The following ARHGAP39 variants were observed in gnomAD, a reference collection of about 807,000 sequenced individuals.
ARHGAP39 encodes the protein rho GTPase-activating protein 39.
Under a neutral mutation model 106.9 loss-of-function variants are expected in ARHGAP39, and 44 were observed. That is an observed-to-expected ratio of 0.41 (90% CI 0.32 to 0.53). ARHGAP39 has a LOEUF of 0.53. ARHGAP39 is among the 20% of genes least tolerant of loss of function. The pLI is 0.21. For synonymous variants in ARHGAP39, 768 were observed against 693.2 expected (o/e 1.11, Z -1.69); for missense variants, 1,496 against 1,577.3 (o/e 0.95, Z 0.87).
chr8:144,597,430 T>TG (rs1489277255), intron 2 of ARHGAP39, among the ~76,000 whole-genome samples: 1 of 152,122 alleles, frequency 6.6e-6, no homozygotes, highest in Non-Finnish European at 1.5e-5. Flanking sequence ...GGACTGCAGC[T>TG]GGGGAGGAAC....
Position 144,537,756 on chromosome 8 carries a change from C to T in ARHGAP39, c.2579G>A (p.Arg860Lys). 6.2e-7 allele frequency: 1 copy of T among 1,614,138 alleles called. No homozygotes were observed. The highest frequency in any genetic ancestry group is 8.5e-7 in the Non-Finnish European group (1 of 1,179,962). ...TTCAACATAAGGCTTGGGTTTCTTT[C>T]TCAATTTGGACTTCTTCTTAGTGTT... ...ERNTKKKSKL[R>K]KKPKPYVEEP... is the part of the protein sequence containing the mutation. The change falls in exon 7 of 12, where the codon AGA (arginine) becomes AAA (lysine). Residue 860 changes from arginine to lysine, a missense_variant. Arg to Lys is a conservative substitution (Grantham distance 26, BLOSUM62 2). Transcript: ENST00000377307.
At chr8:144,617,143 G>A (rs1430426954) in intron 1 of ARHGAP39, among the ~76,000 whole-genome samples, 1 of 151,930 alleles carries the variant, frequency 6.6e-6, no homozygotes, top group East Asian at 1.9e-4. Context: ...GGAGGCGGAG[G>A]TTGCAGTGAG....
At chr8:144,551,462 G>C (rs1200504020) in intron 4 of ARHGAP39, among the ~76,000 whole-genome samples, 1 of 152,204 alleles carries the variant, frequency 6.6e-6, no homozygotes, top group Non-Finnish European at 1.5e-5. Context: ...GCAGGCCGAG[G>C]CCTGTGCTGG....
intron 1 of ARHGAP39, among the ~76,000 whole-genome samples, chr8:144,611,487 G>A (rs1563707385): frequency 1.3e-5 from 2 of 152,302 alleles, no homozygotes; most frequent in South Asian, 4.1e-4. Context: ...ACTTCTCTTT[G>A]CACTATCAGT....
intron 2 of ARHGAP39, among the ~76,000 whole-genome samples, chr8:144,594,586 C>T (rs549198118): frequency 2.0e-5 from 3 of 150,976 alleles, no homozygotes; most frequent in Admixed American, 6.6e-5. Context: ...CCTAGCTACT[C>T]GGGAGGCTGA....
At chr8:144,674,975 G>A (rs887808199) in intron 1 of ARHGAP39, among the ~76,000 whole-genome samples, 1 of 152,132 alleles carries the variant, frequency 6.6e-6, no homozygotes, top group Non-Finnish European at 1.5e-5. Flanking sequence ...GGGGAAGGGG[G>A]GCTTCCTGAG....
intron 7 of ARHGAP39, 99 bp from the exon 8 acceptor site, chr8:144,534,301 C>G (rs1456879196): frequency 1.5e-5 from 20 of 1,372,518 alleles, no homozygotes; most frequent in African/African-American, 2.9e-5. Context: ...CCCTGGGGGG[C>G]TGGGCTGGCC....
intron 1 of ARHGAP39, among the ~76,000 whole-genome samples, chr8:144,672,104 T>C (rs1388626407): frequency 6.6e-6 from 1 of 152,214 alleles, no homozygotes; most frequent in Non-Finnish European, 1.5e-5. Context: ...TGTGGGAATT[T>C]CCACAGCACG....
At position 144,547,764 on chromosome 8, in the gene ARHGAP39, A is replaced by T; in HGVS notation, c.1322T>A (p.Leu441Gln). 2 of 1,598,230 alleles carry T rather than the reference A, an allele frequency of 1.3e-6. No individual in the cohort carries two copies. The highest frequency in any genetic ancestry group is 1.7e-6 in the Non-Finnish European group (2 of 1,177,302). ...PSPCLLRDQR[L>Q]GVKSGDYSTM... is the part of the protein sequence containing the mutation. Reference sequence around the variant, plus strand: ...GCTGTAGTCTCCGGACTTGACGCCCAGGCGCTGGTCCCTCAGCAGGCAGGG... The same window carrying T: ...GCTGTAGTCTCCGGACTTGACGCCCTGGCGCTGGTCCCTCAGCAGGCAGGG... The change falls in exon 5 of 12, where the codon CTG (leucine) becomes CAG (glutamine). Residue 441 changes from leucine (L) to glutamine (Q), a missense_variant. Leu to Gln is a moderately radical substitution (Grantham distance 113). Around this residue, in one of 4 missense-constraint regions of ARHGAP39, gnomAD observed 905 missense variants for 816.4 expected, o/e 1.11. Transcript: ENST00000377307. This position sits in a 1 kb window ranked among gnomAD's most constrained non-coding sequence, Gnocchi z 5.2.
In ARHGAP39 at chr8:144,645,259, A is replaced by T. The variant is rs1298337987; in HGVS notation, c.-81-39564T>A. ...TGAAACTCAGGCTGGAAGCTCTGGGACACTACATGAACTGAAGGCACGAGA... is the reference window on the plus strand; with the variant it reads ...TGAAACTCAGGCTGGAAGCTCTGGGTCACTACATGAACTGAAGGCACGAGA... On this transcript the variant is annotated intron_variant, in intron 1 of 11. Transcript: ENST00000377307. This position sits in a 1 kb window ranked among gnomAD's most constrained non-coding sequence, Gnocchi z 4.4. Among the ~76,000 whole-genome samples the T allele has an allele frequency of 1.3e-5, 2 of 152,226 alleles. No homozygotes were observed. The highest frequency in any genetic ancestry group is 2.9e-5 in the Non-Finnish European group (2 of 68,044).
chr8:144,606,610 AAGG>A (rs537326469), intron 1 of ARHGAP39, among the ~76,000 whole-genome samples: 25 of 150,850 alleles, frequency 1.7e-4, no homozygotes, highest in Non-Finnish European at 2.5e-4. Context: ...GGAGGAGGAG[AAGG>A]AGGAGGAGGA....
intron 1 of ARHGAP39, among the ~76,000 whole-genome samples, chr8:144,650,802 G>C (rs1821554847): frequency 6.6e-6 from 1 of 152,120 alleles, no homozygotes; most frequent in Non-Finnish European, 1.5e-5. Flanking sequence ...ACATCATACT[G>C]AATGGTAAAA....
At chr8:144,598,388 A>G (rs1819711412) in intron 2 of ARHGAP39, among the ~76,000 whole-genome samples, 1 of 152,212 alleles carries the variant, frequency 6.6e-6, no homozygotes, top group African/African-American at 2.4e-5. Flanking sequence ...ATGAGGACAC[A>G]TGAGCCCCAG....
At chr8:144,552,514 T>A (rs2130853406) in intron 4 of ARHGAP39, among the ~76,000 whole-genome samples, 1 of 152,324 alleles carries the variant, frequency 6.6e-6, no homozygotes, top group African/African-American at 2.4e-5. Context: ...AAATTATGCT[T>A]GAAAAACAAC....
At chr8:144,624,132 A>T (rs1371438139) in intron 1 of ARHGAP39, among the ~76,000 whole-genome samples, 1 of 152,148 alleles carries the variant, frequency 6.6e-6, no homozygotes, top group African/African-American at 2.4e-5. Context: ...GCTCGTGCTA[A>T]ATCAGCCAGG....
intron 3 of ARHGAP39, among the ~76,000 whole-genome samples, chr8:144,576,782 T>A (rs1818794409): frequency 6.6e-6 from 1 of 152,156 alleles, no homozygotes; most frequent in Non-Finnish European, 1.5e-5. Context: ...GAGTTATTTT[T>A]AAAATGTTAA....
At chr8:144,619,992 G>A (rs1299594793) in intron 1 of ARHGAP39, among the ~76,000 whole-genome samples, 2 of 150,564 alleles carry the variant, frequency 1.3e-5, no homozygotes, top group Non-Finnish European at 3.0e-5. Flanking sequence ...GAGAGCGTGT[G>A]TGCCCATGTG....
intron 3 of ARHGAP39, among the ~76,000 whole-genome samples, chr8:144,557,941 A>G (rs1299622114): frequency 6.6e-6 from 1 of 152,278 alleles, no homozygotes; most frequent in Non-Finnish European, 1.5e-5. Flanking sequence ...AGACATAAAA[A>G]TGATCATCAA....
chr8:144,689,242 T>A (rs1054398227), upstream of ARHGAP39, among the ~76,000 whole-genome samples: 5 of 151,838 alleles, frequency 3.3e-5, no homozygotes, highest in African/African-American at 1.2e-4. Flanking sequence ...TTTTTTTTTT[T>A]ACAAATATTT....
Sources: gnomAD v4.1 joint callset for allele counts (sites outside exome capture counted in the v4.1 genomes callset) on GRCh38, gnomAD v4.1.1 for gene constraint, gnomAD v4.1.1 regional missense constraint, Gnocchi (gnomAD v3.1) non-coding constraint, MANE v1.5 for transcripts, NCBI Gene and HGNC (gene_info 2026-07-23, HGNC 2026-07-21) for gene names.